The following SKAP2 variants were observed in gnomAD, a reference collection of about 807,000 sequenced individuals.
The protein encoded by SKAP2 is src kinase-associated phosphoprotein 2.
A neutral mutation model predicts 54.9 loss-of-function variants in SKAP2; 28 were observed. The ratio of observed to expected loss-of-function variants is 0.51; its 90% CI spans 0.38 to 0.70. The LOEUF (loss-of-function observed/expected upper bound fraction) is 0.70. SKAP2 is among the 30% of genes least tolerant of loss of function. SKAP2 has a pLI of 0.00. For synonymous variants in SKAP2, 137 were observed against 134.3 expected (o/e 1.02, Z -0.14); for missense variants, 356 against 424.1 (o/e 0.84, Z 1.41).
intron 4 of SKAP2, among the ~76,000 whole-genome samples, chr7:26,825,309 G>A (rs969564676): frequency 1.3e-5 from 2 of 151,038 alleles, no homozygotes; most frequent in Non-Finnish European, 2.9e-5. Flanking sequence ...TTTAACCTTG[G>A]TATAATATAT....
chr7:26,860,044 T>A (rs1785246715), intron 1 of SKAP2, among the ~76,000 whole-genome samples: 1 of 152,196 alleles, frequency 6.6e-6, no homozygotes, highest in Non-Finnish European at 1.5e-5. Context: ...TTTCTAGTAA[T>A]ACTTTAATGC....
At position 26,770,078 on chromosome 7, in the gene SKAP2, T is replaced by C. The variant is rs541135989; in HGVS notation, c.308-30114A>G. The stretch of plus-strand genomic sequence containing the variant: ...GCCACCCATTCCCCCAGGTGCTCTA[T>C]CCCAGGGAGATGGGAGAGTTTTATC... On this transcript the variant is annotated intron_variant, in intron 4 of 12. Transcript: ENST00000345317. Among the ~76,000 whole-genome samples the C allele has an allele frequency of 7.2e-4, 109 of 152,292 alleles. 1 individual carries two copies. The highest frequency in any genetic ancestry group is 3.4e-3 in the Middle Eastern group (1 of 294).
At chr7:26,734,779 A>G (rs1332719421) in intron 6 of SKAP2, among the ~76,000 whole-genome samples, 1 of 152,158 alleles carries the variant, frequency 6.6e-6, no homozygotes, top group Non-Finnish European at 1.5e-5. Context: ...CCTTTTTTAT[A>G]GAGACATATC....
At chr7:26,776,490 A>G (rs990866769) in intron 4 of SKAP2, among the ~76,000 whole-genome samples, 2 of 151,870 alleles carry the variant, frequency 1.3e-5, no homozygotes, top group African/African-American at 4.8e-5. Flanking sequence ...TATAATCTCT[A>G]TCTCTATGAA....
At chr7:26,857,312 A>G (rs1785186589) in intron 1 of SKAP2, 1 of 58,610 alleles carries the variant, frequency 1.7e-5, no homozygotes, top group Non-Finnish European at 3.6e-5. Flanking sequence ...GCTTTGCTTA[A>G]AAAAAAAAAA....
At chr7:26,737,713 T>C (rs531830532) in intron 6 of SKAP2, among the ~76,000 whole-genome samples, 2 of 152,206 alleles carry the variant, frequency 1.3e-5, no homozygotes, top group Non-Finnish European at 2.9e-5. Flanking sequence ...TACTTTATAA[T>C]ATTCAACTCC....
chr7:26,833,524 A>C (rs568749649), intron 4 of SKAP2, among the ~76,000 whole-genome samples: 6 of 152,314 alleles, frequency 3.9e-5, no homozygotes, highest in Admixed American at 2.0e-4. Flanking sequence ...GGGATGGAGG[A>C]ATATTTACCA....
the SKAP2 span, among the ~76,000 whole-genome samples, chr7:26,657,261 A>T: frequency 6.6e-6 from 1 of 152,136 alleles, no homozygotes; most frequent in African/African-American, 2.4e-5. Flanking sequence ...CTGTGAGGGG[A>T]ATCTTCCACA....
At chr7:26,823,098 G>C (rs879625115) in intron 4 of SKAP2, among the ~76,000 whole-genome samples, 1 of 151,950 alleles carries the variant, frequency 6.6e-6, no homozygotes, top group Non-Finnish European at 1.5e-5. Context: ...GAAAACAAAA[G>C]TGCTACTCCA....
At chr7:26,658,551 G>A in the SKAP2 span, among the ~76,000 whole-genome samples, 2 of 151,820 alleles carry the variant, frequency 1.3e-5, no homozygotes, top group African/African-American at 4.8e-5. Flanking sequence ...ATACCTCACT[G>A]TCATCTGATT....
At chr7:26,848,761 A>C (rs897122712) in intron 3 of SKAP2, among the ~76,000 whole-genome samples, 3 of 152,222 alleles carry the variant, frequency 2.0e-5, no homozygotes, top group Non-Finnish European at 4.4e-5. Flanking sequence ...ATACATAATT[A>C]AGCATTTAAC....
Position 26,825,435 on chromosome 7 carries a change from T to A in SKAP2, c.307+18595A>T, listed in dbSNP as rs184067987. Reference sequence around the variant, plus strand: ...AATTCAAACAATCTAAAAATCTAATTTTTGTTTAGTTCTAATCTATACAAT... The same window carrying A: ...AATTCAAACAATCTAAAAATCTAATATTTGTTTAGTTCTAATCTATACAAT... On this transcript the variant is annotated intron_variant, in intron 4 of 12. Coordinates refer to ENST00000345317, the MANE Select transcript of SKAP2 (RefSeq NM_003930.5). 1.0e-3 allele frequency among the ~76,000 whole-genome samples: 155 copies of A among 152,222 alleles called. 1 individual carries two copies. Among genetic ancestry groups the A allele is most frequent in the East Asian group, 4.4e-3 (23 of 5,184 alleles).
chr7:26,715,700 A>G (rs1340115527), intron 9 of SKAP2, among the ~76,000 whole-genome samples: 1 of 151,998 alleles, frequency 6.6e-6, no homozygotes, highest in Non-Finnish European at 1.5e-5. Context: ...AATCACTTGA[A>G]CCCAGGAGGT....
intron 3 of SKAP2, among the ~76,000 whole-genome samples, chr7:26,844,976 A>T (rs1053367134): frequency 5.9e-5 from 9 of 152,114 alleles, no homozygotes; most frequent in East Asian, 1.9e-4. Context: ...TAATTTTTTT[A>T]AAAAAACACA....
rs183333223 is a variant in SKAP2, at chr7:26,770,303, C to T, written c.308-30339G>A. On this transcript the variant is annotated intron_variant, in intron 4 of 12. Coordinates refer to ENST00000345317, the MANE Select transcript of SKAP2 (RefSeq NM_003930.5). ...CCTCAGTAATGGTGGACACCCCTTC[C>T]CCCACCAAGCTCAAGTGTCCCAGGT... Among the ~76,000 whole-genome samples the T allele has an allele frequency of 4.6e-3, 697 of 152,246 alleles. 2 individuals carry two copies. Among genetic ancestry groups the T allele is most frequent in the Non-Finnish European group, 7.9e-3 (538 of 68,010 alleles).
chr7:26,774,355 T>C (rs1451511254), intron 4 of SKAP2, among the ~76,000 whole-genome samples: 1 of 152,012 alleles, frequency 6.6e-6, no homozygotes, highest in African/African-American at 2.4e-5. Flanking sequence ...AAAGGCCACT[T>C]TGAAGACAGA....
At chr7:26,767,347 ATTCTC>A (rs1427252794) in intron 4 of SKAP2, among the ~76,000 whole-genome samples, 6 of 151,648 alleles carry the variant, frequency 4.0e-5, no homozygotes, top group South Asian at 2.1e-4. Context: ...TGTCTATTCG[ATTCTC>A]TTCTCTTTTC....
chr7:26,765,060 C>G (rs1191094867), intron 4 of SKAP2, among the ~76,000 whole-genome samples: 14 of 152,182 alleles, frequency 9.2e-5, no homozygotes, highest in Admixed American at 8.5e-4. Context: ...ACCACACTGT[C>G]TTCCACAATG....
At chr7:26,852,662 T>A (rs1259091883) in intron 3 of SKAP2, among the ~76,000 whole-genome samples, 1 of 152,212 alleles carries the variant, frequency 6.6e-6, no homozygotes, top group Non-Finnish European at 1.5e-5. Context: ...AATTTTAATA[T>A]CCACACACCT....
Sources: gnomAD v4.1 joint callset for allele counts (sites outside exome capture counted in the v4.1 genomes callset) on GRCh38, gnomAD v4.1.1 for gene constraint, MANE v1.5 for transcripts, NCBI Gene and HGNC (gene_info 2026-07-23, HGNC 2026-07-21) for gene names.